RAB38: variants seen among roughly 807,000 people sequenced by gnomAD.
The protein encoded by RAB38 is ras-related protein Rab-38.
RAB38 carries 15 observed loss-of-function variants against 18.4 expected under a neutral mutation model. The ratio of observed to expected loss-of-function variants is 0.82; its 90% CI spans 0.55 to 1.26. The LOEUF is 1.26. RAB38 is among the 50% of genes most tolerant of loss of function. The probability of loss-of-function intolerance (pLI) is 0.00; values close to 1 mark genes in which losing one functional copy is unlikely to be tolerated. For missense variants in RAB38, 294 were observed against 267.4 expected (o/e 1.10, Z -0.69); for synonymous variants, 101 against 104.4 (o/e 0.97, Z 0.20).
Position 88,174,130 on chromosome 11 carries a change from C to T in RAB38, c.202+1053G>A, listed in dbSNP as rs892252252. The stretch of plus-strand genomic sequence containing the variant: ...TTTAAAACTTCTGAGCAGGAAGATC[C>T]TTGACCCTTGCCCAACTCCTTTCCA... On this transcript the variant is annotated intron_variant, in intron 1 of 2. Transcript: ENST00000243662. 8 of 971,830 alleles carry T rather than the reference C, an allele frequency of 8.2e-6. No individual in the cohort carries two copies. The African/African-American group carries it at 1.1e-4, about 13-fold the overall frequency. The allele number at this position is 971,830 out of a possible 1,614,324, so 60.2% of individuals were successfully genotyped here. A position where few individuals can be genotyped will look rare whatever the true frequency, so the allele number is the denominator to read the frequency against.
At chr11:88,170,133 C>T (rs921439643) in intron 1 of RAB38, among the ~76,000 whole-genome samples, 2 of 152,168 alleles carry the variant, frequency 1.3e-5, no homozygotes, top group Non-Finnish European at 1.5e-5. Context: ...TGCCTTGAGG[C>T]GTTTTCTCCA....
the RAB38 span, among the ~76,000 whole-genome samples, chr11:87,971,802 C>G: frequency 6.6e-6 from 1 of 152,054 alleles, no homozygotes; most frequent in African/African-American, 2.4e-5. Context: ...GTCTATGCCT[C>G]ACAGTCTTAC....
the RAB38 span, among the ~76,000 whole-genome samples, chr11:87,912,766 C>CT: frequency 1.8e-4 from 21 of 114,524 alleles, no homozygotes; most frequent in South Asian, 1.1e-3. Context: ...TTCTTTCTTT[C>CT]TTTTTTTTTT....
At chr11:87,941,439 C>A in the RAB38 span, among the ~76,000 whole-genome samples, 4 of 151,016 alleles carry the variant, frequency 2.6e-5, no homozygotes, top group Non-Finnish European at 5.9e-5. Flanking sequence ...TTGAGTTTCT[C>A]AAAAAATCAA....
At chr11:88,136,499 C>T (rs1467853690) in intron 2 of RAB38, among the ~76,000 whole-genome samples, 1 of 152,130 alleles carries the variant, frequency 6.6e-6, no homozygotes, top group Non-Finnish European at 1.5e-5. Flanking sequence ...CTTTCGAAAA[C>T]AAGGAAGCCA....
chr11:88,026,669 C>T, the RAB38 span, among the ~76,000 whole-genome samples: 1 of 151,740 alleles, frequency 6.6e-6, no homozygotes, highest in Non-Finnish European at 1.5e-5. Context: ...TGAGCCACTG[C>T]ACCCGGCCGT....
chr11:87,958,717 A>G, the RAB38 span, among the ~76,000 whole-genome samples: 15 of 152,306 alleles, frequency 9.8e-5, no homozygotes, highest in African/African-American at 3.6e-4. Context: ...TGATGTCAAG[A>G]CAAATAGGAC....
chr11:88,018,014 T>C, the RAB38 span, among the ~76,000 whole-genome samples: 2 of 152,110 alleles, frequency 1.3e-5, no homozygotes, highest in African/African-American at 2.4e-5. Flanking sequence ...TGCCGCCGTA[T>C]GAGACATGCC....
chr11:88,114,404 C>G (rs1942520129), intron 2 of RAB38, among the ~76,000 whole-genome samples: 1 of 152,102 alleles, frequency 6.6e-6, no homozygotes, highest in African/African-American at 2.4e-5. Flanking sequence ...AGTTAGAGGG[C>G]AATTTTCTTA....
the RAB38 span, among the ~76,000 whole-genome samples, chr11:88,088,759 T>C: frequency 6.6e-6 from 1 of 151,850 alleles, no homozygotes; most frequent in African/African-American, 2.4e-5. Context: ...ATTAGTCCTT[T>C]AAATTATTTA....
the RAB38 span, among the ~76,000 whole-genome samples, chr11:87,812,438 A>C: frequency 1.3e-5 from 2 of 152,186 alleles, no homozygotes; most frequent in Non-Finnish European, 2.9e-5. Context: ...CAACACATTC[A>C]GTTTCTAAGG....
the RAB38 span, chr11:88,049,986 C>A: frequency 6.6e-6 from 1 of 152,174 alleles, no homozygotes; most frequent in African/African-American, 2.4e-5. Flanking sequence ...CGTTTTACAA[C>A]CTTCCATCTA....
At chr11:88,128,249 C>T (rs1942727993) in intron 2 of RAB38, among the ~76,000 whole-genome samples, 1 of 152,192 alleles carries the variant, frequency 6.6e-6, no homozygotes. Context: ...ATAATTTATA[C>T]TCTCCCTTTT....
the RAB38 span, among the ~76,000 whole-genome samples, chr11:88,026,674 G>A: frequency 7.8e-3 from 1,184 of 151,362 alleles, 8 homozygotes; most frequent in Middle Eastern, 0.014. Context: ...CACTGCACCC[G>A]GCCGTTTTCT....
At chr11:88,076,091 G>A in the RAB38 span, among the ~76,000 whole-genome samples, 2 of 151,080 alleles carry the variant, frequency 1.3e-5, no homozygotes, top group African/African-American at 4.8e-5. Flanking sequence ...GACTAAAAAA[G>A]AGAGAAAAGA....
the RAB38 span, among the ~76,000 whole-genome samples, chr11:87,899,861 T>A: frequency 6.6e-6 from 1 of 151,644 alleles, no homozygotes; most frequent in Non-Finnish European, 1.5e-5. Flanking sequence ...CAGTGATTAT[T>A]TGAAAACAGT....
At chr11:88,029,023 C>T in the RAB38 span, among the ~76,000 whole-genome samples, 3 of 152,082 alleles carry the variant, frequency 2.0e-5, no homozygotes, top group Non-Finnish European at 4.4e-5. Context: ...AGACTAACAG[C>T]GGATCTCTCG....
the RAB38 span, among the ~76,000 whole-genome samples, chr11:88,072,007 A>G: frequency 6.6e-6 from 1 of 152,242 alleles, no homozygotes; most frequent in Non-Finnish European, 1.5e-5. Flanking sequence ...TCTACCTTTC[A>G]TACATACACA....
the RAB38 span, chr11:87,815,155 C>A: frequency 6.6e-6 from 1 of 152,202 alleles, no homozygotes; most frequent in Non-Finnish European, 1.5e-5. Flanking sequence ...TCCTCCAATT[C>A]ATGTGAGTGT....
Sources: allele counts gnomAD v4.1 joint callset (sites outside exome capture counted in the v4.1 genomes callset), GRCh38; gene constraint gnomAD v4.1.1; transcripts MANE v1.5; gene names NCBI Gene and HGNC (gene_info 2026-07-23, HGNC 2026-07-21).